Variants in MAOB observed in about 807,000 individuals in gnomAD.
MAOB encodes the protein amine oxidase [flavin-containing] B.
A neutral mutation model predicts 41.9 loss-of-function variants in MAOB; 15 were observed. The observed-to-expected ratio is 0.36, with a 90% CI of 0.24 to 0.55. MAOB has a LOEUF of 0.55. Among genes scored for constraint, MAOB ranks in the 20% least tolerant of loss-of-function variants. MAOB has a pLI of 0.86. For synonymous variants in MAOB, 167 were observed against 144.2 expected, an observed-to-expected ratio of 1.16 and a Z score of -1.13; for missense variants, 345 against 398.7, an observed-to-expected ratio of 0.87 and a Z score of 1.15.
At chrX:43,816,822 G>A (rs763645684) in intron 3 of MAOB, among the ~76,000 whole-genome samples, 16 of 111,930 alleles carry the variant, frequency 1.4e-4, no homozygotes, top group Non-Finnish European at 2.3e-4. Flanking sequence ...AGTGGTCACC[G>A]TAATAGGTGA....
chrX:43,866,806 G>A (rs1368018146), intron 1 of MAOB, among the ~76,000 whole-genome samples: 3 of 112,712 alleles, frequency 2.7e-5, no homozygotes, highest in African/African-American at 9.7e-5. Flanking sequence ...CAGACTCTGG[G>A]AACTACAGTG....
At chrX:43,867,977 C>A (rs2035376753) in intron 1 of MAOB, among the ~76,000 whole-genome samples, 1 of 111,523 alleles carries the variant, frequency 9.0e-6, no homozygotes, top group South Asian at 3.7e-4. Flanking sequence ...TCCCTTTTTT[C>A]CCTAAGAAAA....
intron 3 of MAOB, among the ~76,000 whole-genome samples, chrX:43,810,613 A>G (rs1401061882): frequency 1.8e-5 from 2 of 111,111 alleles, no homozygotes; most frequent in Non-Finnish European, 3.8e-5. Context: ...TAAAAAAAAG[A>G]ATGTAAAAAA....
At chrX:43,778,145 T>C (rs915102628) in intron 11 of MAOB, among the ~76,000 whole-genome samples, 1 of 111,366 alleles carries the variant, frequency 9.0e-6, no homozygotes, top group African/African-American at 3.3e-5. Context: ...ATCTCTCATG[T>C]TCAAGGGTAA....
intron 11 of MAOB, 43 bp from the exon 12 acceptor site, chrX:43,775,315 A>T (rs1439188035): frequency 8.5e-7 from 1 of 1,182,528 alleles, no homozygotes; most frequent in South Asian, 1.9e-5. Flanking sequence ...ACTCAGAGAA[A>T]GCTATTTAGC....
intron 3 of MAOB, among the ~76,000 whole-genome samples, chrX:43,838,254 G>A (rs1057232025): frequency 3.6e-5 from 4 of 111,382 alleles, no homozygotes; most frequent in African/African-American, 1.3e-4. Flanking sequence ...GTCACAGGCC[G>A]TGAGATGTGA....
chrX:43,857,762 C>T (rs1302806336), intron 1 of MAOB, among the ~76,000 whole-genome samples: 4 of 111,710 alleles, frequency 3.6e-5, no homozygotes, highest in Non-Finnish European at 7.5e-5. Context: ...GGCAAGATTT[C>T]GTCTTCATTT....
At chrX:43,823,975 G>A (rs1212095100) in intron 3 of MAOB, among the ~76,000 whole-genome samples, 1 of 112,479 alleles carries the variant, frequency 8.9e-6, no homozygotes, top group Non-Finnish European at 1.9e-5. Flanking sequence ...CAAGGTGCTA[G>A]CTAACTCATG....
At chrX:43,818,176 C>T (rs1160099032) in intron 3 of MAOB, among the ~76,000 whole-genome samples, 1 of 112,109 alleles carries the variant, frequency 8.9e-6, no homozygotes, top group Non-Finnish European at 1.9e-5. Context: ...AACGTTCACC[C>T]ATGTTGTAGC....
At position 43,795,838 on chromosome X, in the gene MAOB, G is replaced by T; in HGVS notation, c.669C>A (p.Asp223Glu). The T allele has an allele frequency of 8.3e-7, 1 of 1,209,867 alleles. No individual in the cohort carries two copies. Among genetic ancestry groups the T allele is most frequent in the Non-Finnish European group, 1.1e-6 (1 of 893,921 alleles). Reference protein sequence around the residue: ...GSGQVSERIMDLLGDRVKLER... With the variant: ...GSGQVSERIMELLGDRVKLER... Reference sequence around the variant, plus strand: ...CCAGCTTCACTCGGTCTCCAAGGAGGTCCATTATCCGCTCACTCACTTGAC... The same window carrying T: ...CCAGCTTCACTCGGTCTCCAAGGAGTTCCATTATCCGCTCACTCACTTGAC... Residue 223 changes from aspartate to glutamate, a missense_variant, in exon 7 of 15, where the codon GAC (aspartate) becomes GAA (glutamate). Physicochemically the swap from Asp to Glu is conservative, Grantham distance 45. Transcript: ENST00000378069.
At chrX:43,876,986 T>C (rs187978789) in intron 1 of MAOB, among the ~76,000 whole-genome samples, 149 of 112,444 alleles carry the variant, frequency 1.3e-3, no homozygotes, top group African/African-American at 3.8e-3. Context: ...TGATGAACAA[T>C]AATCATCAAT....
At chrX:43,785,147 C>T (rs1438700639) in intron 8 of MAOB, among the ~76,000 whole-genome samples, 1 of 112,838 alleles carries the variant, frequency 8.9e-6, no homozygotes, top group Non-Finnish European at 1.9e-5. Context: ...GACTCCATCT[C>T]AAAACAAAAC....
chrX:43,828,314 G>A (rs961484415), intron 3 of MAOB, among the ~76,000 whole-genome samples: 2 of 111,777 alleles, frequency 1.8e-5, no homozygotes, highest in African/African-American at 3.2e-5. Flanking sequence ...CTATTCTTAC[G>A]TTTATCTTGT....
At chrX:43,840,684 G>A (rs1330387668) in intron 2 of MAOB, among the ~76,000 whole-genome samples, 2 of 110,606 alleles carry the variant, frequency 1.8e-5, no homozygotes, top group Admixed American at 9.6e-5. Flanking sequence ...GGAAGTGCAA[G>A]GGGTTAGGGA....
chrX:43,882,179 G>T, intron 1 of MAOB, 75 bp downstream of exon 1: 1 of 1,176,940 alleles, frequency 8.5e-7, no homozygotes. Context: ...CCCCACGGCC[G>T]CCCCCCGCGT....
intron 3 of MAOB, among the ~76,000 whole-genome samples, chrX:43,818,316 T>A (rs1349079787): frequency 8.9e-6 from 1 of 112,548 alleles, no homozygotes; most frequent in African/African-American, 3.2e-5. Context: ...TTATGAATAA[T>A]GTTGCTTTTT....
chrX:43,777,499 C>T (rs1202400205), intron 11 of MAOB, among the ~76,000 whole-genome samples: 1 of 111,547 alleles, frequency 9.0e-6, no homozygotes, highest in African/African-American at 3.3e-5. Flanking sequence ...TCACCTGTAT[C>T]AAGTACAGAA....
chrX:43,793,166 C>T (rs770946401), intron 8 of MAOB, among the ~76,000 whole-genome samples: 3 of 111,224 alleles, frequency 2.7e-5, no homozygotes, highest in Non-Finnish European at 3.8e-5. Flanking sequence ...ATAATAGACA[C>T]TGAGGACTAC....
rs747102444 is a variant in MAOB, at chrX:43,795,912, A to G, written c.619-24T>C. 1.8e-5 allele frequency: 21 copies of G among 1,194,323 alleles called. No homozygotes were observed. In the East Asian group the frequency reaches 5.7e-4, roughly 32 times the overall value. On this transcript the variant is annotated intron_variant, in intron 6 of 14. Coordinates refer to ENST00000378069, the MANE Select transcript of MAOB (RefSeq NM_000898.5). Reference sequence around the variant, plus strand: ...TCCTGGAAAGAGAAAAGGAGGTGAAAGAGAAACGCAGGAATGGGCATAAAT... The same window carrying G: ...TCCTGGAAAGAGAAAAGGAGGTGAAGGAGAAACGCAGGAATGGGCATAAAT...
Sources: gnomAD v4.1 joint callset for allele counts (sites outside exome capture counted in the v4.1 genomes callset) on GRCh38, gnomAD v4.1.1 for gene constraint, MANE v1.5 for transcripts, NCBI Gene and HGNC (gene_info 2026-07-23, HGNC 2026-07-21) for gene names.